ATRNL1: variants seen among roughly 807,000 people sequenced by gnomAD.
ATRNL1 encodes the protein attractin like 1.
Under a neutral mutation model 182.7 loss-of-function variants are expected in ATRNL1, and 95 were observed. The observed-to-expected ratio is 0.52, with a 90% CI of 0.44 to 0.62. ATRNL1 has a LOEUF of 0.62. ATRNL1 is among the 20% of genes least tolerant of loss of function. ATRNL1 has a pLI of 0.00. For synonymous variants in ATRNL1, 576 were observed against 568.3 expected, an observed-to-expected ratio of 1.01 and a Z score of -0.19; for missense variants, 1,471 against 1,679.5, an observed-to-expected ratio of 0.88 and a Z score of 2.17.
intron 5 of ATRNL1, among the ~76,000 whole-genome samples, chr10:115,140,470 T>A (rs1335450441): frequency 6.6e-6 from 1 of 152,214 alleles, no homozygotes; most frequent in Non-Finnish European, 1.5e-5. Flanking sequence ...GGTAGACAGG[T>A]TAAGAGACAA....
chr10:115,345,022 G>A (rs551199681), intron 19 of ATRNL1, among the ~76,000 whole-genome samples: 1 of 152,340 alleles, frequency 6.6e-6, no homozygotes, highest in Non-Finnish European at 1.5e-5. Flanking sequence ...TCAGGTGGAA[G>A]TTAGGGGTCT....
At chr10:115,332,824 G>T (rs1592467885) in intron 18 of ATRNL1, among the ~76,000 whole-genome samples, 1 of 148,008 alleles carries the variant, frequency 6.8e-6, no homozygotes, top group Non-Finnish European at 1.5e-5. Flanking sequence ...TTTAATATCT[G>T]TTTTTTTTTT....
At chr10:115,597,568 CTTTTTTTTTTTT>C (rs71010036) in intron 26 of ATRNL1, 7 of 253,022 alleles carry the variant, frequency 2.8e-5, no homozygotes, top group African/African-American at 4.3e-5. Flanking sequence ...TTTATGGGAG[CTTTTTTTTTTTT>C]TTTTTTTTGG....
At chr10:115,197,295 C>T (rs1286944948) in intron 8 of ATRNL1, among the ~76,000 whole-genome samples, 5 of 151,838 alleles carry the variant, frequency 3.3e-5, no homozygotes, top group African/African-American at 1.2e-4. Flanking sequence ...TTAAAGACTT[C>T]TATGTCTATA....
At chr10:115,206,761 T>C (rs570452867) in intron 8 of ATRNL1, among the ~76,000 whole-genome samples, 83 of 152,300 alleles carry the variant, frequency 5.4e-4, no homozygotes, top group African/African-American at 1.9e-3. Flanking sequence ...TAGGTATACA[T>C]GCGCCATGTT....
intron 5 of ATRNL1, among the ~76,000 whole-genome samples, chr10:115,156,282 A>G (rs1427323955): frequency 6.6e-6 from 1 of 152,134 alleles, no homozygotes; most frequent in Non-Finnish European, 1.5e-5. Flanking sequence ...GAAAGAGGCA[A>G]CTTAAGAATG....
Position 115,687,770 on chromosome 10 carries a change from G to A in ATRNL1, c.3796-39478G>A, listed in dbSNP as rs528907415. ...TAATGTTCAATTCAGGGTAATTGGAGTATCAATCATCTTGAATGTTTATCA... is the reference window on the plus strand; with the variant it reads ...TAATGTTCAATTCAGGGTAATTGGAATATCAATCATCTTGAATGTTTATCA... On this transcript the variant is annotated intron_variant, in intron 26 of 28. Coordinates refer to ENST00000355044, the MANE Select transcript of ATRNL1 (RefSeq NM_207303.4). 3.3e-5 allele frequency among the ~76,000 whole-genome samples: 5 copies of A among 152,058 alleles called. No individual in the cohort carries two copies. The South Asian group carries it at 1.0e-3, about 32-fold the overall frequency.
intron 10 of ATRNL1, among the ~76,000 whole-genome samples, chr10:115,260,458 C>A (rs782027085): frequency 3.9e-5 from 6 of 152,164 alleles, no homozygotes; most frequent in Non-Finnish European, 8.8e-5. Context: ...AATGGTTCCA[C>A]CTGATCAGAA....
chr10:115,418,945 A>C (rs1845529251), intron 20 of ATRNL1, among the ~76,000 whole-genome samples: 1 of 152,218 alleles, frequency 6.6e-6, no homozygotes, highest in African/African-American at 2.4e-5. Context: ...AAAATGCTGA[A>C]GAGAGCTCTT....
At position 115,171,069 on chromosome 10, in the gene ATRNL1, A is replaced by G. The variant is rs1554885401; in HGVS notation, c.1125A>G (p.Glu375=). 2 of 1,578,380 alleles carry G rather than the reference A, an allele frequency of 1.3e-6. No individual in the cohort carries two copies. Among genetic ancestry groups the G allele is most frequent in the Non-Finnish European group, 1.7e-6 (2 of 1,159,376 alleles). The part of the protein sequence containing the change: ...ENIFMYGGRI[E]TNDGNVTDEL... Reference sequence around the variant, plus strand: ...TCTTTATGTATGGAGGCAGAATTGAAACAAATGATGGCAATGTCACAGATG... The same window carrying G: ...TCTTTATGTATGGAGGCAGAATTGAGACAAATGATGGCAATGTCACAGATG... The change falls in exon 8 of 29, where the codon GAA becomes GAG. Residue 375 remains glutamate, a synonymous_variant. Transcript: ENST00000355044.
chr10:115,829,566 A>G (rs1448371404), intron 27 of ATRNL1, among the ~76,000 whole-genome samples: 1 of 151,926 alleles, frequency 6.6e-6, no homozygotes, highest in Non-Finnish European at 1.5e-5. Flanking sequence ...TGAGCAGCAC[A>G]GTGCTCCTTG....
chr10:115,519,716 T>G (rs1850820972), intron 25 of ATRNL1, among the ~76,000 whole-genome samples: 1 of 152,164 alleles, frequency 6.6e-6, no homozygotes, highest in African/African-American at 2.4e-5. Flanking sequence ...ACATATTCGT[T>G]GTAGGTTCAT....
chr10:115,563,381 T>C (rs1246000636), intron 26 of ATRNL1, among the ~76,000 whole-genome samples: 12 of 152,196 alleles, frequency 7.9e-5, no homozygotes, highest in African/African-American at 2.9e-4. Flanking sequence ...ATTTAAAGAA[T>C]TATGCCATAA....
rs77306841 is a variant in ATRNL1 at position 115,460,768 on chromosome 10, G to A, written c.3323-1173G>A. ...TAACAGTATCTCCCTCCTCTTCACT[G>A]GTTTATTCTTCTCCAAAAGACTGAT... On this transcript the variant is annotated intron_variant, in intron 21 of 28. Coordinates refer to ENST00000355044, the MANE Select transcript of ATRNL1 (RefSeq NM_207303.4). 8.5e-3 allele frequency among the ~76,000 whole-genome samples: 1,291 copies of A among 152,170 alleles called. 13 individuals carry two copies. The highest frequency in any genetic ancestry group is 0.066 in the East Asian group (342 of 5,170).
intron 27 of ATRNL1, among the ~76,000 whole-genome samples, chr10:115,826,203 T>C (rs1589564513): frequency 1.9e-4 from 2 of 10,730 alleles, no homozygotes; most frequent in Admixed American, 1.5e-3. Context: ...TACTATCCCA[T>C]TTTTTTTTCA....
chr10:115,467,194 A>G lies in ATRNL1; in HGVS notation c.3438A>G (p.Ile1146Met), dbSNP rs782273095. ...NPEQSNKNLD[I>M]SINASNNFNL... is the part of the protein sequence containing the mutation. The stretch of plus-strand genomic sequence containing the variant: ...GGTAGTCGAACAAAAATCTGGATAT[A>G]TCAATTAATGCATCAAACAACTTTA... The change falls in exon 23 of 29, where the codon ATA (isoleucine) becomes ATG (methionine). Residue 1146 changes from isoleucine (I) to methionine (M), a missense_variant. This residue lies in a region of ATRNL1 where 437 missense variants were observed against 506.0 expected (regional missense o/e 0.86). Coordinates refer to ENST00000355044, the MANE Select transcript of ATRNL1 (RefSeq NM_207303.4). The G allele has an allele frequency of 1.2e-6, 2 of 1,604,492 alleles. No individual in the cohort carries two copies. The highest frequency in any genetic ancestry group is 2.7e-5 in the African/African-American group (2 of 74,388).
intron 24 of ATRNL1, among the ~76,000 whole-genome samples, chr10:115,499,424 G>A (rs999935938): frequency 4.6e-5 from 7 of 152,154 alleles, no homozygotes; most frequent in Non-Finnish European, 2.9e-5. Context: ...TGTGAACACC[G>A]AAAAGATGAG....
chr10:115,655,069 C>T (rs1315330767), intron 26 of ATRNL1, among the ~76,000 whole-genome samples: 6 of 152,104 alleles, frequency 3.9e-5, no homozygotes, highest in African/African-American at 1.4e-4. Flanking sequence ...CCAAGGAACA[C>T]CAGGATACCA....
chr10:115,446,918 C>T (rs1049729520), intron 21 of ATRNL1, among the ~76,000 whole-genome samples: 3 of 151,788 alleles, frequency 2.0e-5, no homozygotes, highest in Admixed American at 6.6e-5. Flanking sequence ...GCTGATTGTT[C>T]GCCAAAATAT....
Sources: allele counts gnomAD v4.1 joint callset (sites outside exome capture counted in the v4.1 genomes callset), GRCh38; gene constraint gnomAD v4.1.1; regional missense constraint gnomAD v4.1.1; transcripts MANE v1.5; gene names NCBI Gene and HGNC (gene_info 2026-07-23, HGNC 2026-07-21).